PRKG1: variants seen among roughly 807,000 people sequenced by gnomAD.
The protein encoded by PRKG1 is protein kinase cGMP-dependent 1.
PRKG1 carries 35 observed loss-of-function variants against 88.1 expected under a neutral mutation model. That is an observed-to-expected ratio of 0.40 (90% CI 0.30 to 0.53). The LOEUF (loss-of-function observed/expected upper bound fraction) is 0.53, where lower values mean the gene tolerates loss of function less well. Ranked by LOEUF, PRKG1 falls within the 20% of genes least tolerant of loss-of-function variation. The pLI, the probability that PRKG1 is intolerant of heterozygous loss-of-function variation, is 0.59. For missense variants in PRKG1, 540 were observed against 839.8 expected (o/e 0.64, Z 4.41); for synonymous variants, 303 against 292.5 (o/e 1.04, Z -0.37).
At chr10:52,272,518 A>T (rs1841757654) in intron 12 of PRKG1, 37 bp downstream of exon 12, 3 of 1,433,034 alleles carry the variant, frequency 2.1e-6, no homozygotes, top group Non-Finnish European at 2.9e-6. Context: ...TATCTCTAAA[A>T]ACAGTTGCCC....
chr10:52,017,524 AG>A (rs1845071104), intron 5 of PRKG1, among the ~76,000 whole-genome samples: 1 of 152,210 alleles, frequency 6.6e-6, no homozygotes, highest in Admixed American at 6.5e-5. Context: ...GGTAGATGGT[AG>A]GTACCTTGGT....
intron 3 of PRKG1, among the ~76,000 whole-genome samples, chr10:51,731,049 G>A (rs939541900): frequency 2.0e-5 from 3 of 151,952 alleles, no homozygotes; most frequent in African/African-American, 4.8e-5. Context: ...CCAGCTACTC[G>A]GGAGGCTGAG....
intron 9 of PRKG1, among the ~76,000 whole-genome samples, chr10:52,181,019 C>T (rs1000054800): frequency 2.8e-4 from 42 of 152,274 alleles, no homozygotes; most frequent in Non-Finnish European, 1.8e-4. Flanking sequence ...GGCTGTTTGG[C>T]CAGCCTGGGT....
intron 4 of PRKG1, among the ~76,000 whole-genome samples, chr10:51,888,534 G>T (rs1345372525): frequency 6.6e-6 from 1 of 152,170 alleles, no homozygotes; most frequent in Non-Finnish European, 1.5e-5. Context: ...CATAGACACA[G>T]CTTCACTTTT....
chr10:51,141,229 C>A (rs1845812338), intron 1 of PRKG1, among the ~76,000 whole-genome samples: 1 of 152,176 alleles, frequency 6.6e-6, no homozygotes, highest in Admixed American at 6.5e-5. Flanking sequence ...AACTGCAGTT[C>A]AAGCATACAC....
intron 2 of PRKG1, among the ~76,000 whole-genome samples, chr10:51,210,217 C>T (rs560546360): frequency 7.2e-4 from 109 of 152,082 alleles, no homozygotes; most frequent in Non-Finnish European, 1.3e-3. Flanking sequence ...GAATGACTAC[C>T]GGGTACATAA....
chr10:51,870,266 T>G (rs1418435208), intron 4 of PRKG1, among the ~76,000 whole-genome samples: 3 of 152,154 alleles, frequency 2.0e-5, no homozygotes, highest in Non-Finnish European at 4.4e-5. Flanking sequence ...GTGAATTGGT[T>G]GATTTTTACT....
rs770783028 is a variant in PRKG1 at position 51,237,895 on chromosome 10, G to A, written c.478+84565G>A. 4.2e-4 allele frequency among the ~76,000 whole-genome samples: 64 copies of A among 152,218 alleles called. No individual in the cohort carries two copies. The Middle Eastern group carries it at 0.01, about 24-fold the overall frequency. ...ACTTCCAAGTAGATGGTTAGATGTA[G>A]CCTTAGACAGTAATATTGGTACAAA... On this transcript the variant is annotated intron_variant, in intron 2 of 17. Transcript: ENST00000373980.
chr10:51,281,279 G>C (rs917154966), intron 2 of PRKG1, among the ~76,000 whole-genome samples: 3 of 152,162 alleles, frequency 2.0e-5, no homozygotes, highest in Non-Finnish European at 4.4e-5. Flanking sequence ...CCTACTGGGG[G>C]GTGCCTCCCA....
At position 51,267,899 on chromosome 10, in the gene PRKG1, C is replaced by T. The variant is rs569110932; in HGVS notation, c.478+114569C>T. ...ATTTGCAAACTATGCATCTGACAAA[C>T]GACTAACATCCAGAATTATCGGGGG... On this transcript the variant is annotated intron_variant, in intron 2 of 17. Transcript: ENST00000373980. Among the ~76,000 whole-genome samples, 38 of 152,242 alleles carry T rather than the reference C, an allele frequency of 2.5e-4. No homozygotes were observed. In the South Asian group the frequency reaches 6.4e-3, roughly 26 times the overall value.
chr10:52,138,498 T>C (rs576278587), intron 8 of PRKG1, among the ~76,000 whole-genome samples: 1 of 152,210 alleles, frequency 6.6e-6, no homozygotes, highest in South Asian at 2.1e-4. Context: ...TGGTCTTCAT[T>C]CTTTCCCTCA....
chr10:52,258,409 C>A lies in PRKG1; in HGVS notation c.1173+6743C>A, dbSNP rs1290356188. Reference sequence around the variant, plus strand: ...TAATAAAATAACCTTTCATTTGAACCCTACTTTATAATCTTCAAATTACTT... The same window carrying A: ...TAATAAAATAACCTTTCATTTGAACACTACTTTATAATCTTCAAATTACTT... On this transcript the variant is annotated intron_variant, in intron 10 of 17. Coordinates refer to ENST00000373980, the MANE Select transcript of PRKG1 (RefSeq NM_006258.4). Among the ~76,000 whole-genome samples the A allele has an allele frequency of 1.4e-5, 2 of 146,000 alleles. 1 individual carries two copies. Among genetic ancestry groups the A allele is most frequent in the Non-Finnish European group, 3.1e-5 (2 of 65,386 alleles).
At chr10:51,792,117 T>G (rs1308018051) in intron 3 of PRKG1, among the ~76,000 whole-genome samples, 1 of 152,132 alleles carries the variant, frequency 6.6e-6, no homozygotes, top group East Asian at 1.9e-4. Context: ...TTGGAATAGC[T>G]TATCACTTTC....
intron 4 of PRKG1, among the ~76,000 whole-genome samples, chr10:51,879,364 C>T (rs1254614166): frequency 6.6e-6 from 1 of 152,108 alleles, no homozygotes; most frequent in Non-Finnish European, 1.5e-5. Flanking sequence ...CTGGGATGAA[C>T]GAGAAAAGTT....
At chr10:51,586,810 A>G (rs998840602) in intron 3 of PRKG1, among the ~76,000 whole-genome samples, 1 of 152,152 alleles carries the variant, frequency 6.6e-6, no homozygotes, top group Non-Finnish European at 1.5e-5. Context: ...TAGTTGATAT[A>G]TACTCCTAAT....
intron 2 of PRKG1, among the ~76,000 whole-genome samples, chr10:51,269,166 T>A (rs1839913422): frequency 6.6e-6 from 1 of 151,990 alleles, no homozygotes; most frequent in South Asian, 2.1e-4. Context: ...AAAACCACAA[T>A]GAGATACCAC....
intron 2 of PRKG1, among the ~76,000 whole-genome samples, chr10:51,235,149 A>G (rs1838951381): frequency 6.6e-6 from 1 of 152,142 alleles, no homozygotes; most frequent in Admixed American, 6.6e-5. Context: ...ATAGAAACAC[A>G]ATTGCTCAAA....
intron 1 of PRKG1, among the ~76,000 whole-genome samples, chr10:51,119,439 A>G (rs1288490994): frequency 2.0e-5 from 3 of 152,084 alleles, no homozygotes; most frequent in Admixed American, 2.0e-4. Context: ...AATATCAAAA[A>G]TACACATTTT....
chr10:51,195,386 G>T (rs935426523), intron 2 of PRKG1, among the ~76,000 whole-genome samples: 1 of 152,034 alleles, frequency 6.6e-6, no homozygotes, highest in Non-Finnish European at 1.5e-5. Context: ...TAATTCTTTT[G>T]CTGTTTAAAA....
Sources: gnomAD v4.1 joint callset for allele counts (sites outside exome capture counted in the v4.1 genomes callset) on GRCh38, gnomAD v4.1.1 for gene constraint, MANE v1.5 for transcripts, NCBI Gene and HGNC (gene_info 2026-07-23, HGNC 2026-07-21) for gene names.